The following NOS1 variants were observed in gnomAD, a reference collection of about 807,000 sequenced individuals.
NOS1 encodes NOS type I.
In NOS1, 51 loss-of-function variants were observed where a neutral mutation model predicts 164.5. The ratio of observed to expected loss-of-function variants is 0.31; its 90% CI spans 0.25 to 0.39. The LOEUF (loss-of-function observed/expected upper bound fraction) is 0.39, where lower values mean the gene tolerates loss of function less well. Among genes scored for constraint, NOS1 ranks in the 10% least tolerant of loss-of-function variants. The pLI is 1.00. For missense variants in NOS1, 1,362 were observed against 1,885.6 expected (o/e 0.72, Z 5.14); for synonymous variants, 719 against 745.8 (o/e 0.96, Z 0.59).
intron 22 of NOS1, among the ~76,000 whole-genome samples, chr12:117,229,868 C>T (rs1051941351): frequency 2.6e-5 from 4 of 152,200 alleles, no homozygotes; most frequent in African/African-American, 4.8e-5. Context: ...GGATCACAGG[C>T]GTGAGCCACT....
chr12:117,321,972 C>CCCTCCTTCTCTCCTTCCTTT, intron 2 of NOS1, among the ~76,000 whole-genome samples: 1 of 113,622 alleles, frequency 8.8e-6, no homozygotes, highest in East Asian at 3.0e-4. Flanking sequence ...CTCCTTCCTT[C>CCCTCCTTCTCTCCTTCCTTT]CCTCCTTCTC....
chr12:117,242,428 C>T (rs1210661178), intron 20 of NOS1, among the ~76,000 whole-genome samples, 199 bp downstream of exon 20: 6 of 152,218 alleles, frequency 3.9e-5, no homozygotes, highest in African/African-American at 1.4e-4. Flanking sequence ...AATACCATCT[C>T]CTTTTTCCAC....
intron 16 of NOS1, among the ~76,000 whole-genome samples, chr12:117,258,024 C>T (rs969911389): frequency 2.0e-5 from 3 of 151,766 alleles, no homozygotes; most frequent in Admixed American, 1.3e-4. Context: ...AGGCTGGTCT[C>T]GAACTCCTGA....
At chr12:117,271,843 G>T (rs1187972217) in intron 10 of NOS1, among the ~76,000 whole-genome samples, 1 of 152,202 alleles carries the variant, frequency 6.6e-6, no homozygotes, top group African/African-American at 2.4e-5. Context: ...GCCCGGGAGG[G>T]AATCAGACCC....
At chr12:117,298,492 C>T (rs903027741) in intron 3 of NOS1, among the ~76,000 whole-genome samples, 1 of 152,194 alleles carries the variant, frequency 6.6e-6, no homozygotes, top group Non-Finnish European at 1.5e-5. Flanking sequence ...CATGTCCTCC[C>T]TCCCCATCCC....
chr12:117,276,862 T>C (rs1301643222), intron 9 of NOS1, among the ~76,000 whole-genome samples: 2 of 152,210 alleles, frequency 1.3e-5, no homozygotes, highest in African/African-American at 2.4e-5. Context: ...CTGTGCCACA[T>C]TTTCTTTATC....
intron 7 of NOS1, 45 bp from the exon 8 acceptor site, chr12:117,280,911 C>T (rs759932085): frequency 1.3e-5 from 20 of 1,599,532 alleles, no homozygotes; most frequent in African/African-American, 8.0e-5. Flanking sequence ...GCGGGACTTG[C>T]GCTGTGGGAA....
chr12:117,248,269 A>C (rs1310948263), intron 17 of NOS1, among the ~76,000 whole-genome samples: 2 of 151,818 alleles, frequency 1.3e-5, no homozygotes, highest in Non-Finnish European at 1.5e-5. Flanking sequence ...ATATGTATAC[A>C]TGTGCCATGC....
At chr12:117,226,379 C>G (rs1184370664) in intron 24 of NOS1, among the ~76,000 whole-genome samples, 1 of 152,124 alleles carries the variant, frequency 6.6e-6, no homozygotes, top group Non-Finnish European at 1.5e-5. Flanking sequence ...CTAGCCCATA[C>G]GGTCCATGAA....
rs144633838 is a variant in NOS1 at position 117,248,914 on chromosome 12, T to C, written c.2649-1392A>G. Among the ~76,000 whole-genome samples the C allele has an allele frequency of 2.2e-3, 330 of 152,288 alleles. 2 individuals are homozygous for C. Among genetic ancestry groups the C allele is most frequent in the African/African-American group, 7.3e-3 (302 of 41,518 alleles). ...CTAACTGGTGTGAGACGGTATCTCA[T>C]TGTGGTTTTGATTTGCATTTCTCTG... On this transcript the variant is annotated intron_variant, in intron 17 of 28. Transcript: ENST00000317775.
At position 117,226,637 on chromosome 12, in the gene NOS1, A is replaced by G. The variant is rs747050739; in HGVS notation, c.3704+46T>C. ...ACCTACCCCAACTTGTGACGTCAAT[A>G]TGCAGATTTGAGATGATTGCTCATT... On this transcript the variant is annotated intron_variant, in intron 24 of 28. Coordinates refer to ENST00000317775, the MANE Select transcript of NOS1 (RefSeq NM_000620.5). The G allele has an allele frequency of 3.8e-6, 6 of 1,562,750 alleles. No homozygotes were observed. The Admixed American group carries it at 1.0e-4, about 26-fold the overall frequency.
chr12:117,286,057 C>T, intron 6 of NOS1, 47 bp downstream of exon 6: 2 of 1,604,176 alleles, frequency 1.2e-6, no homozygotes, highest in Non-Finnish European at 8.5e-7. Flanking sequence ...CCCTTCCCCT[C>T]TTCCCTCATT....
chr12:117,291,725 G>T (rs1322674152), intron 3 of NOS1, among the ~76,000 whole-genome samples: 1 of 151,692 alleles, frequency 6.6e-6, no homozygotes, highest in African/African-American at 2.4e-5. Flanking sequence ...TGTAGAGATG[G>T]GGGTCTCACT....
chr12:117,280,320 G>A (rs1282924707), intron 8 of NOS1, among the ~76,000 whole-genome samples: 2 of 152,188 alleles, frequency 1.3e-5, no homozygotes, highest in Admixed American at 1.3e-4. Context: ...ACATTATCTC[G>A]TAACTCAGAA....
chr12:117,291,446 C>T (rs2136027075), intron 3 of NOS1, among the ~76,000 whole-genome samples: 1 of 151,292 alleles, frequency 6.6e-6, no homozygotes, highest in South Asian at 2.1e-4. Flanking sequence ...AATGATTTGG[C>T]CAGTAGGTGA....
rs779654516 is a variant in NOS1 at position 117,247,350 on chromosome 12, T to C, written c.2821A>G (p.Lys941Glu). 5 of 1,598,114 alleles carry C rather than the reference T, an allele frequency of 3.1e-6. No homozygotes were observed. In the South Asian group the frequency reaches 5.6e-5, roughly 18 times the overall value. ...AFRTWAKKVF[K>E]AACDVFCVGD... Reference sequence around the variant, plus strand: ...TAGGTCCATGAGATCCAGATTACCTTGAAGACCTTCTTGGCCCAGGTCCTG... The same window carrying C: ...TAGGTCCATGAGATCCAGATTACCTCGAAGACCTTCTTGGCCCAGGTCCTG... The change falls in exon 18 of 29, where the codon AAG becomes GAG. Residue 941 changes from lysine (K) to glutamate (E), a missense_variant and splice_region_variant. Coordinates refer to ENST00000317775, the MANE Select transcript of NOS1 (RefSeq NM_000620.5).
At position 117,215,329 on chromosome 12, in the gene NOS1, G is replaced by T. The variant is rs751810805; in HGVS notation, c.4290-5C>A. 2 of 1,541,318 alleles carry T rather than the reference G, an allele frequency of 1.3e-6. No homozygotes were observed. Among genetic ancestry groups the T allele is most frequent in the Non-Finnish European group, 1.8e-6 (2 of 1,142,596 alleles). ...TCCAGTTAGGAGCTGAAAACCCTGT[G>T]GAAAGAGAAGTTGGGGGGCAGTTAG... On this transcript the variant is annotated splice_polypyrimidine_tract_variant and splice_region_variant and intron_variant, in intron 28 of 28. Transcript: ENST00000317775.
intron 9 of NOS1, among the ~76,000 whole-genome samples, chr12:117,276,063 T>C (rs1353317283): frequency 6.6e-6 from 1 of 152,052 alleles, no homozygotes; most frequent in African/African-American, 2.4e-5. Context: ...TGTGGGTACA[T>C]AGTAGGTGCA....
In NOS1 at chr12:117,212,207, C is replaced by A; in HGVS notation, c.*3102G>T. On this transcript the variant is annotated 3_prime_UTR_variant, in exon 29 of 29. Coordinates refer to ENST00000317775, the MANE Select transcript of NOS1 (RefSeq NM_000620.5). ...AAATTAAAATGCAGTAAGTTTTGAA[C>A]CAGGTACTGTAACTGGGCATTTCGT... is the stretch of plus-strand genomic sequence containing the variant. 1 of 985,340 alleles carries A rather than the reference C, an allele frequency of 1.0e-6. No individual in the cohort carries two copies. Among genetic ancestry groups the A allele is most frequent in the Non-Finnish European group, 1.2e-6 (1 of 829,914 alleles). 61.0% of individuals were successfully genotyped at this position (985,340 alleles called of 1,614,324 possible).
Sources: gnomAD v4.1 joint callset for allele counts (sites outside exome capture counted in the v4.1 genomes callset) on GRCh38, gnomAD v4.1.1 for gene constraint, MANE v1.5 for transcripts, NCBI Gene and HGNC (gene_info 2026-07-23, HGNC 2026-07-21) for gene names.